PITPNC1: variants seen among roughly 807,000 people sequenced by gnomAD.
PITPNC1 encodes the protein cytoplasmic phosphatidylinositol transfer protein 1.
Under a neutral mutation model 44.7 loss-of-function variants are expected in PITPNC1, and 18 were observed. That is an observed-to-expected ratio of 0.40 (90% confidence interval 0.28 to 0.60). PITPNC1 has a LOEUF of 0.60. Ranked by LOEUF, PITPNC1 falls within the 20% of genes least tolerant of loss-of-function variation. The pLI is 0.39. For missense variants in PITPNC1, 290 were observed against 418.4 expected (o/e 0.69, Z 2.68); for synonymous variants, 141 against 149.6 (o/e 0.94, Z 0.42).
In PITPNC1 at chr17:67,503,480, A is replaced by G. The variant is rs566843472; in HGVS notation, c.49-29322A>G. On this transcript the variant is annotated intron_variant, in intron 1 of 8. Coordinates refer to ENST00000581322, the MANE Select transcript of PITPNC1 (RefSeq NM_012417.4). ...TTGTTTGTTGCCCAGGTACCATGTC[A>G]CACTCTGAGTAACTTCTCTGCAGCC... Among the ~76,000 whole-genome samples the G allele has an allele frequency of 8.5e-5, 13 of 152,196 alleles. 1 individual carries two copies. In the South Asian group the frequency reaches 2.7e-3, roughly 32 times the overall value.
chr17:67,578,816 G>A (rs887309055), intron 5 of PITPNC1, among the ~76,000 whole-genome samples: 11 of 151,960 alleles, frequency 7.2e-5, no homozygotes, highest in South Asian at 4.1e-4. Flanking sequence ...ACCCTGTCTC[G>A]ACTAAAAATA....
At chr17:67,568,171 A>T (rs2041006422) in intron 4 of PITPNC1, among the ~76,000 whole-genome samples, 1 of 152,254 alleles carries the variant, frequency 6.6e-6, no homozygotes, top group Non-Finnish European at 1.5e-5. Context: ...TTCGGCCAGA[A>T]AAAGGAATGG....
At chr17:67,480,250 A>C (rs1482077801) in intron 1 of PITPNC1, among the ~76,000 whole-genome samples, 1 of 152,208 alleles carries the variant, frequency 6.6e-6, no homozygotes, top group Non-Finnish European at 1.5e-5. Context: ...CAAAAATGTA[A>C]TTAATGAATG....
intron 4 of PITPNC1, among the ~76,000 whole-genome samples, chr17:67,572,641 G>C (rs2041077911): frequency 6.6e-6 from 1 of 151,996 alleles, no homozygotes; most frequent in African/African-American, 2.4e-5. Flanking sequence ...CTGTGATAAA[G>C]GGACAAACAG....
At chr17:67,563,613 T>C (rs982044924) in intron 4 of PITPNC1, among the ~76,000 whole-genome samples, 4 of 152,222 alleles carry the variant, frequency 2.6e-5, no homozygotes, top group Non-Finnish European at 5.9e-5. Context: ...CAGGTCTCAG[T>C]GGCCATTCTG....
At chr17:67,616,671 C>G (rs1598891201) in intron 5 of PITPNC1, among the ~76,000 whole-genome samples, 1 of 152,084 alleles carries the variant, frequency 6.6e-6, no homozygotes. Context: ...TGCTGGTGCT[C>G]TTTTTAGACA....
intron 8 of PITPNC1, among the ~76,000 whole-genome samples, chr17:67,692,351 A>G (rs1382206083): frequency 1.3e-5 from 2 of 152,130 alleles, no homozygotes; most frequent in Non-Finnish European, 2.9e-5. Flanking sequence ...GCTTTGGAAA[A>G]TCTTAAATGG....
chr17:67,553,116 CTT>C (rs1171643035), intron 3 of PITPNC1: 1 of 152,400 alleles, frequency 6.6e-6, no homozygotes, highest in East Asian at 1.9e-4. Flanking sequence ...ACAATAAACT[CTT>C]TGTACTGAAT....
chr17:67,561,659 C>CT (rs1467491729), intron 4 of PITPNC1, among the ~76,000 whole-genome samples: 1 of 152,170 alleles, frequency 6.6e-6, no homozygotes, highest in Non-Finnish European at 1.5e-5. Flanking sequence ...ATTCTTAACC[C>CT]TTTTTAACTG....
At chr17:67,466,205 T>TGGG (rs796395546) in intron 1 of PITPNC1, among the ~76,000 whole-genome samples, 12 of 27,838 alleles carry the variant, frequency 4.3e-4, no homozygotes, top group African/African-American at 6.5e-4. Context: ...GGTGGGGGGG[T>TGGG]GGGGGGGGGC....
At chr17:67,665,957 C>A (rs1221282758) in intron 6 of PITPNC1, among the ~76,000 whole-genome samples, 1 of 151,974 alleles carries the variant, frequency 6.6e-6, no homozygotes, top group Non-Finnish European at 1.5e-5. Context: ...TCTCTTGCCT[C>A]AGCCTCCCTA....
At chr17:67,585,042 G>A (rs1461737233) in intron 5 of PITPNC1, among the ~76,000 whole-genome samples, 1 of 151,630 alleles carries the variant, frequency 6.6e-6, no homozygotes, top group Non-Finnish European at 1.5e-5. Flanking sequence ...CTTGAACCTG[G>A]GAGGCAGAGA....
chr17:67,687,886 A>G (rs1377879610), intron 8 of PITPNC1, among the ~76,000 whole-genome samples: 1 of 152,124 alleles, frequency 6.6e-6, no homozygotes, highest in African/African-American at 2.4e-5. Flanking sequence ...TCAATCATTC[A>G]TGCTAATGAA....
chr17:67,518,810 C>T (rs1295282066), intron 1 of PITPNC1, among the ~76,000 whole-genome samples: 1 of 152,106 alleles, frequency 6.6e-6, no homozygotes, highest in Non-Finnish European at 1.5e-5. Context: ...AGGCATAGTG[C>T]CGTGTGCCTG....
chr17:67,414,281 C>G (rs917754964), intron 1 of PITPNC1, among the ~76,000 whole-genome samples: 1 of 152,140 alleles, frequency 6.6e-6, no homozygotes, highest in African/African-American at 2.4e-5. Flanking sequence ...TACCCAAAAC[C>G]TGGAAACAAT....
intron 1 of PITPNC1, among the ~76,000 whole-genome samples, chr17:67,494,185 TTTTCTTTCTTTCTTTC>T (rs1555657747): frequency 9.8e-6 from 1 of 102,428 alleles, no homozygotes; most frequent in African/African-American, 3.8e-5. Context: ...CTTTCTTTCT[TTTTCTTTCTTTCTTTC>T]TTTCTTTCTT....
At chr17:67,622,240 G>A (rs1316778046) in intron 5 of PITPNC1, among the ~76,000 whole-genome samples, 3 of 136,890 alleles carry the variant, frequency 2.2e-5, no homozygotes, top group African/African-American at 8.7e-5. Flanking sequence ...CTGGGTGACA[G>A]AGCGAGACTG....
intron 6 of PITPNC1, chr17:67,638,708 A>T (rs1489556777): frequency 6.6e-6 from 1 of 152,202 alleles, no homozygotes; most frequent in Non-Finnish European, 1.5e-5. Flanking sequence ...ACTACAGGCA[A>T]ATTTGTCCCT....
rs79488210 is a variant in PITPNC1, at chr17:67,532,186, C to A, written c.49-616C>A. 1.4e-3 allele frequency among the ~76,000 whole-genome samples: 217 copies of A among 152,238 alleles called. 5 individuals are homozygous for A. In the East Asian group the frequency reaches 0.036, roughly 25 times the overall value. Reference sequence around the variant, plus strand: ...GTAGGTGGTCCTCGGAGAGGAGCGGCCTTCAGGGGCTCAGATTATGAGCCT... The same window carrying A: ...GTAGGTGGTCCTCGGAGAGGAGCGGACTTCAGGGGCTCAGATTATGAGCCT... On this transcript the variant is annotated intron_variant, in intron 1 of 8. Coordinates refer to ENST00000581322, the MANE Select transcript of PITPNC1 (RefSeq NM_012417.4).
Sources: allele counts gnomAD v4.1 joint callset (sites outside exome capture counted in the v4.1 genomes callset), GRCh38; gene constraint gnomAD v4.1.1; transcripts MANE v1.5; gene names NCBI Gene and HGNC (gene_info 2026-07-23, HGNC 2026-07-21).